The following MSI2 variants were observed in gnomAD, a reference collection of about 807,000 sequenced individuals.
MSI2 encodes the protein RNA-binding protein Musashi homolog 2.
MSI2 carries 17 observed loss-of-function variants against 45.6 expected under a neutral mutation model. The ratio of observed to expected loss-of-function variants is 0.37; its 90% CI spans 0.26 to 0.56. The LOEUF (loss-of-function observed/expected upper bound fraction) is 0.56, where lower values mean the gene tolerates loss of function less well. Ranked by LOEUF, MSI2 falls within the 20% of genes least tolerant of loss-of-function variation. MSI2 has a pLI of 0.77. For synonymous variants in MSI2, 156 were observed against 158.2 expected, an observed-to-expected ratio of 0.99 and a Z score of 0.11; for missense variants, 293 against 444.2, an observed-to-expected ratio of 0.66 and a Z score of 3.06.
chr17:57,548,333 TAA>T (rs140309105), intron 7 of MSI2, among the ~76,000 whole-genome samples: 1 of 150,114 alleles, frequency 6.7e-6, no homozygotes, highest in South Asian at 2.1e-4. Flanking sequence ...TTAATTCGTT[TAA>T]AAAAAAAATC....
intron 6 of MSI2, among the ~76,000 whole-genome samples, chr17:57,413,512 C>CT (rs2084236284): frequency 6.6e-6 from 1 of 151,876 alleles, no homozygotes; most frequent in African/African-American, 2.4e-5. Flanking sequence ...AATAATTAAA[C>CT]TTTTTTTGGT....
At chr17:57,286,661 C>T (rs1046392813) in intron 5 of MSI2, among the ~76,000 whole-genome samples, 4 of 151,968 alleles carry the variant, frequency 2.6e-5, no homozygotes, top group South Asian at 2.1e-4. Flanking sequence ...CGCCTAAAAC[C>T]GAAGGCCCCA....
intron 5 of MSI2, among the ~76,000 whole-genome samples, chr17:57,393,106 A>G (rs1035767438): frequency 6.6e-6 from 1 of 152,132 alleles, no homozygotes; most frequent in Non-Finnish European, 1.5e-5. Flanking sequence ...AGATTTCCCT[A>G]TTATGGACTT....
At chr17:57,277,024 G>A (rs984630479) in intron 5 of MSI2, among the ~76,000 whole-genome samples, 2 of 151,474 alleles carry the variant, frequency 1.3e-5, no homozygotes, top group South Asian at 2.1e-4. Context: ...TTTCTTCTAC[G>A]GACTGGGGGT....
At chr17:57,342,901 A>G (rs1915292481) in intron 5 of MSI2, among the ~76,000 whole-genome samples, 2 of 152,302 alleles carry the variant, frequency 1.3e-5, no homozygotes, top group South Asian at 4.1e-4. Flanking sequence ...ATACACACAC[A>G]TTTTGAAATA....
chr17:57,699,276 G>GGAGAGAGA, the MSI2 span, among the ~76,000 whole-genome samples: 2 of 135,818 alleles, frequency 1.5e-5, no homozygotes, highest in African/African-American at 2.9e-5. Flanking sequence ...GAAGAGCCAG[G>GGAGAGAGA]GAGAGAGAGA....
chr17:57,533,083 CAG>C lies in MSI2; in HGVS notation c.454+3360_454+3361del, dbSNP rs1253719575. 2.6e-5 allele frequency among the ~76,000 whole-genome samples: 4 copies of C among 152,342 alleles called. No homozygotes were observed. The East Asian group carries it at 7.7e-4, about 29-fold the overall frequency. ...CCACTTGCTGTTAGGAGCCACAGGT[CAG>C]GGCAGAATTTCCACTCCTTGACCCC... On this transcript the variant is annotated intron_variant, in intron 7 of 13. Coordinates refer to ENST00000284073, the MANE Select transcript of MSI2 (RefSeq NM_138962.4).
chr17:57,420,130 C>T (rs140851567), intron 6 of MSI2, among the ~76,000 whole-genome samples: 9 of 152,306 alleles, frequency 5.9e-5, no homozygotes, highest in East Asian at 5.8e-4. Flanking sequence ...GTTGACTGCC[C>T]TCTGCTGAAA....
intron 6 of MSI2, among the ~76,000 whole-genome samples, chr17:57,502,636 T>TATATATAGAGAGAGAGAGAG: frequency 1.0e-5 from 1 of 96,902 alleles, no homozygotes; most frequent in Non-Finnish European, 2.1e-5. Context: ...TATATATATA[T>TATATATAGAGAGAGAGAGAG]AGTCATCATT....
the MSI2 span, among the ~76,000 whole-genome samples, chr17:57,698,854 C>T: frequency 4.0e-5 from 6 of 150,326 alleles, no homozygotes; most frequent in East Asian, 1.2e-3. Flanking sequence ...TTGTTCTCTT[C>T]AGTTTCTTGT....
chr17:57,373,138 T>G (rs1598183166), intron 5 of MSI2, among the ~76,000 whole-genome samples: 1 of 151,600 alleles, frequency 6.6e-6, no homozygotes, highest in African/African-American at 2.4e-5. Flanking sequence ...GTGTCTGTAG[T>G]CCCAGCCACT....
At chr17:57,424,035 C>T (rs2084444914) in intron 6 of MSI2, among the ~76,000 whole-genome samples, 1 of 152,184 alleles carries the variant, frequency 6.6e-6, no homozygotes, top group Admixed American at 6.5e-5. Context: ...ATATACATCT[C>T]CTGCAGGGGC....
intron 6 of MSI2, among the ~76,000 whole-genome samples, chr17:57,414,314 G>C (rs2084252970): frequency 6.6e-6 from 1 of 152,172 alleles, no homozygotes; most frequent in Non-Finnish European, 1.5e-5. Flanking sequence ...AAACAGTGGT[G>C]GAATGAATGG....
chr17:57,333,815 G>A (rs1489614526), intron 5 of MSI2, among the ~76,000 whole-genome samples: 1 of 151,768 alleles, frequency 6.6e-6, no homozygotes, highest in Non-Finnish European at 1.5e-5. Context: ...AAAAAGATTT[G>A]CCCTCTAGGA....
At chr17:57,586,679 G>A (rs1598425638) in intron 7 of MSI2, among the ~76,000 whole-genome samples, 1 of 152,256 alleles carries the variant, frequency 6.6e-6, no homozygotes, top group Non-Finnish European at 1.5e-5. Flanking sequence ...AAACAGCTTT[G>A]TCTTTCCCTG....
intron 4 of MSI2, among the ~76,000 whole-genome samples, chr17:57,260,781 G>A (rs544077126): frequency 1.4e-4 from 21 of 152,256 alleles, no homozygotes; most frequent in African/African-American, 4.6e-4. Context: ...TTAAGCCCCC[G>A]TAATAACAGC....
intron 6 of MSI2, among the ~76,000 whole-genome samples, chr17:57,445,463 A>G (rs1333216460): frequency 1.3e-5 from 2 of 151,764 alleles, no homozygotes; most frequent in Non-Finnish European, 2.9e-5. Flanking sequence ...CTACAGCTCA[A>G]CATGGTATCC....
intron 7 of MSI2, among the ~76,000 whole-genome samples, chr17:57,541,151 TAGAGAG>T (rs55999583): frequency 4.8e-4 from 72 of 148,910 alleles, no homozygotes; most frequent in Admixed American, 2.9e-3. Flanking sequence ...TACATTTTGG[TAGAGAG>T]AGAGAGAGAG....
intron 7 of MSI2, among the ~76,000 whole-genome samples, chr17:57,578,576 G>A (rs1270954683): frequency 6.6e-6 from 1 of 152,014 alleles, no homozygotes; most frequent in Non-Finnish European, 1.5e-5. Flanking sequence ...GAAGGGGACG[G>A]GAGAAGGATG....
Sources: gnomAD v4.1 joint callset for allele counts (sites outside exome capture counted in the v4.1 genomes callset) on GRCh38, gnomAD v4.1.1 for gene constraint, MANE v1.5 for transcripts, NCBI Gene and HGNC (gene_info 2026-07-23, HGNC 2026-07-21) for gene names.